The following SIK3 variants were observed in gnomAD, a reference collection of about 807,000 sequenced individuals.
The protein encoded by SIK3 is SIK family kinase 3, also known as serine/threonine-protein kinase SIK3.
A neutral mutation model predicts 144.2 loss-of-function variants in SIK3; 28 were observed. That is an observed-to-expected ratio of 0.19 (90% CI 0.14 to 0.27). The LOEUF is 0.27. Ranked by LOEUF, SIK3 falls within the 10% of genes least tolerant of loss-of-function variation. SIK3 has a pLI of 1.00. For synonymous variants in SIK3, 686 were observed against 676.3 expected, an observed-to-expected ratio of 1.01 and a Z score of -0.22; for missense variants, 1,319 against 1,776.0, an observed-to-expected ratio of 0.74 and a Z score of 4.62.
At chr11:116,990,586 C>T (rs534579298) in intron 1 of SIK3, among the ~76,000 whole-genome samples, 180 of 152,114 alleles carry the variant, frequency 1.2e-3, no homozygotes, top group Admixed American at 1.9e-3. Flanking sequence ...ACTACTCACT[C>T]GATCACTCTT....
chr11:116,903,130 A>G (rs1945825114), intron 4 of SIK3, among the ~76,000 whole-genome samples: 1 of 152,206 alleles, frequency 6.6e-6, no homozygotes, highest in Admixed American at 6.5e-5. Context: ...AATTATTACC[A>G]TGTACTAAAT....
At chr11:116,941,949 A>G (rs1275826556) in intron 3 of SIK3, among the ~76,000 whole-genome samples, 1 of 152,230 alleles carries the variant, frequency 6.6e-6, no homozygotes, top group Non-Finnish European at 1.5e-5. Flanking sequence ...CACTGTCATC[A>G]CTGCTCCTTC....
At chr11:117,006,204 A>C (rs1951040744) in intron 1 of SIK3, among the ~76,000 whole-genome samples, 1 of 152,190 alleles carries the variant, frequency 6.6e-6, no homozygotes, top group Non-Finnish European at 1.5e-5. Context: ...CTAAAATGGA[A>C]TATCACAAAG....
At chr11:116,942,130 T>A (rs915826006) in intron 3 of SIK3, among the ~76,000 whole-genome samples, 4 of 152,228 alleles carry the variant, frequency 2.6e-5, no homozygotes, top group African/African-American at 9.6e-5. Flanking sequence ...GCTTTCCCCA[T>A]GTCAAAAACT....
chr11:117,094,222 A>C (rs1252194281), intron 1 of SIK3, among the ~76,000 whole-genome samples: 1 of 152,230 alleles, frequency 6.6e-6, no homozygotes, highest in South Asian at 2.1e-4. Flanking sequence ...CCACAAACCA[A>C]TAACAGGCAA....
chr11:117,035,861 C>T (rs1031235757), intron 1 of SIK3: 53 of 1,593,872 alleles, frequency 3.3e-5, no homozygotes, highest in Non-Finnish European at 4.1e-5. Context: ...TGTAGGCTGG[C>T]AGAGGACAGT....
chr11:116,858,420 G>C lies in SIK3; in HGVS notation c.3045C>G (p.His1015Gln). ...GGGGAGAAAGCAGTCCTTGAAGGATGTGGGGTACCTGCTGGTGTCTTGTAT... is the reference window on the plus strand; with the variant it reads ...GGGGAGAAAGCAGTCCTTGAAGGATCTGGGGTACCTGCTGGTGTCTTGTAT... Reference protein sequence around the residue: ...PDYTRHQQVPHILQGLLSPRH... With the variant: ...PDYTRHQQVPQILQGLLSPRH... The change falls in exon 21 of 25, where the codon CAC (histidine) becomes CAG (glutamine). Residue 1015 changes from histidine to glutamine, a missense_variant. Physicochemically the swap from His to Gln is conservative, Grantham distance 24. Coordinates refer to ENST00000445177, the MANE Select transcript of SIK3 (RefSeq NM_001366686.3). The surrounding 1 kb of genome is among the most constrained non-coding windows in gnomAD (Gnocchi z 5.4). 6.2e-7 allele frequency: 1 copy of C among 1,611,786 alleles called. No individual in the cohort carries two copies. Among genetic ancestry groups the C allele is most frequent in the South Asian group, 1.1e-5 (1 of 90,576 alleles).
chr11:117,057,542 G>C (rs1342920221), intron 1 of SIK3, among the ~76,000 whole-genome samples: 1 of 152,134 alleles, frequency 6.6e-6, no homozygotes. Flanking sequence ...TCCATGCCAG[G>C]CTCCGTCCTA....
chr11:116,857,742 G>C, intron 21 of SIK3, 68 bp downstream of exon 21: 1 of 1,542,204 alleles, frequency 6.5e-7, no homozygotes, highest in Admixed American at 2.2e-5. Context: ...GCTGAAAAAA[G>C]ATAACATTAC....
intron 1 of SIK3, among the ~76,000 whole-genome samples, chr11:117,044,870 AAG>A (rs1297368881): frequency 6.6e-6 from 1 of 152,184 alleles, no homozygotes; most frequent in Non-Finnish European, 1.5e-5. Context: ...GCAACAGAGC[AAG>A]ACCCCCATTT....
At chr11:117,004,575 T>C (rs998974621) in intron 1 of SIK3, among the ~76,000 whole-genome samples, 1 of 152,078 alleles carries the variant, frequency 6.6e-6, no homozygotes, top group African/African-American at 2.4e-5. Flanking sequence ...CTGAAAATAC[T>C]TGGGTAAGTG....
chr11:117,054,175 T>G (rs1355927405), intron 1 of SIK3, among the ~76,000 whole-genome samples: 2 of 152,138 alleles, frequency 1.3e-5, no homozygotes, highest in African/African-American at 4.8e-5. Flanking sequence ...CACTGAAGAA[T>G]CACCAGGAAT....
At chr11:117,051,336 T>C (rs543772709) in intron 1 of SIK3, among the ~76,000 whole-genome samples, 6 of 152,266 alleles carry the variant, frequency 3.9e-5, no homozygotes, top group African/African-American at 9.6e-5. Flanking sequence ...CCAGCTTTCC[T>C]GGTTCTCCAG....
At chr11:116,955,331 C>T (rs1257368571) in intron 2 of SIK3, among the ~76,000 whole-genome samples, 1 of 152,138 alleles carries the variant, frequency 6.6e-6, no homozygotes, top group Non-Finnish European at 1.5e-5. Flanking sequence ...CCAGGAGGCG[C>T]AGGCTGCAGT....
chr11:117,040,232 G>A (rs572987943), intron 1 of SIK3, among the ~76,000 whole-genome samples: 3 of 152,264 alleles, frequency 2.0e-5, no homozygotes, highest in South Asian at 2.1e-4. Flanking sequence ...AAGAGCAGAA[G>A]AATGCTTAGG....
intron 2 of SIK3, among the ~76,000 whole-genome samples, chr11:116,956,745 G>A (rs1260200662): frequency 6.6e-6 from 1 of 152,120 alleles, no homozygotes; most frequent in African/African-American, 2.4e-5. Flanking sequence ...ACCTGGGTAA[G>A]GAAAACGTAC....
intron 1 of SIK3, among the ~76,000 whole-genome samples, chr11:117,050,673 G>A (rs1591612103): frequency 1.3e-5 from 2 of 151,902 alleles, no homozygotes; most frequent in East Asian, 3.8e-4. Context: ...GGCAACAAGA[G>A]TGAGACTTCA....
chr11:117,079,013 C>T (rs1274572193), intron 1 of SIK3, among the ~76,000 whole-genome samples: 1 of 151,510 alleles, frequency 6.6e-6, no homozygotes. Flanking sequence ...ACTCTTTACA[C>T]CAAATAACAC....
chr11:117,037,828 G>C (rs1196485639), intron 1 of SIK3, among the ~76,000 whole-genome samples: 1 of 152,138 alleles, frequency 6.6e-6, no homozygotes, highest in Non-Finnish European at 1.5e-5. Context: ...CCACCACAAA[G>C]CCAAGTGATT....
Sources: allele counts gnomAD v4.1 joint callset (sites outside exome capture counted in the v4.1 genomes callset), GRCh38; gene constraint gnomAD v4.1.1; non-coding constraint Gnocchi (gnomAD v3.1); transcripts MANE v1.5; gene names NCBI Gene and HGNC (gene_info 2026-07-23, HGNC 2026-07-21).